The following LRTM3 variants were observed in gnomAD, a reference collection of about 807,000 sequenced individuals.
LRTM3 encodes the protein leucine rich repeat transmembrane protein 3.
chr13:102,741,814 T>C, the LRTM3 span: 1 of 1,550,388 alleles, frequency 6.4e-7, no homozygotes, highest in Non-Finnish European at 8.7e-7. Context: ...CAATGAGGAA[T>C]TCAAGTTCTT....
chr13:102,738,525 T>C, the LRTM3 span: 10 of 1,550,806 alleles, frequency 6.4e-6, no homozygotes, highest in Non-Finnish European at 8.7e-6. Flanking sequence ...CCCTGTGAAA[T>C]TGATGATTTC....
chr13:102,738,052 T>C, the LRTM3 span: 20 of 1,549,854 alleles, frequency 1.3e-5, no homozygotes, highest in Non-Finnish European at 1.7e-5. Context: ...TTCTGTCCTC[T>C]TTCCCTTGCT....
chr13:102,730,575 T>A, the LRTM3 span: 1 of 1,552,038 alleles, frequency 6.4e-7, no homozygotes, highest in Non-Finnish European at 8.7e-7. Flanking sequence ...TTCCTCGGGC[T>A]GTGCAGATCA....
chr13:102,738,128 G>T, the LRTM3 span: 3 of 1,550,832 alleles, frequency 1.9e-6, no homozygotes, highest in East Asian at 7.3e-5. Flanking sequence ...TGGCTCTTTA[G>T]TATTCAATGG....
the LRTM3 span, among the ~76,000 whole-genome samples, chr13:102,756,614 C>A: frequency 1.5e-5 from 2 of 130,336 alleles, no homozygotes; most frequent in Non-Finnish European, 1.5e-5. Flanking sequence ...GCGGAGGTTG[C>A]AGTGAGCTGA....
At chr13:102,741,922 A>G in the LRTM3 span, 1 of 1,550,446 alleles carries the variant, frequency 6.4e-7, no homozygotes, top group African/African-American at 1.4e-5. Context: ...TGTCTTCTGA[A>G]ATGCTTTGGT....
the LRTM3 span, chr13:102,747,410 G>T: frequency 1.3e-6 from 2 of 1,548,688 alleles, no homozygotes; most frequent in Non-Finnish European, 1.7e-6. Flanking sequence ...TGAGATTGCT[G>T]GCTTCTTTAC....
chr13:102,730,048 T>C, the LRTM3 span: 1 of 1,551,540 alleles, frequency 6.4e-7, no homozygotes, highest in Non-Finnish European at 8.7e-7. Context: ...CAGTATTTGA[T>C]GAACTATGAC....
At chr13:102,757,166 T>A in the LRTM3 span, among the ~76,000 whole-genome samples, 1 of 152,232 alleles carries the variant, frequency 6.6e-6, no homozygotes, top group African/African-American at 2.4e-5. Context: ...CTGGCATTCC[T>A]GTTTCCAACT....
At chr13:102,744,236 G>A in the LRTM3 span, 3 of 1,550,136 alleles carry the variant, frequency 1.9e-6, no homozygotes, top group African/African-American at 4.1e-5. Context: ...TACACATTTG[G>A]GACTCATACT....
At chr13:102,729,530 C>T in the LRTM3 span, 1 of 1,497,112 alleles carries the variant, frequency 6.7e-7, no homozygotes, top group South Asian at 1.4e-5. Context: ...ATTCCAAGAA[C>T]TTGAAATCTT....
At chr13:102,736,183 T>C in the LRTM3 span, 1 of 1,547,946 alleles carries the variant, frequency 6.5e-7, no homozygotes, top group Non-Finnish European at 8.7e-7. Context: ...AAGGAGAGAA[T>C]CTATGGTGAG....
the LRTM3 span, chr13:102,734,359 A>C: frequency 6.4e-7 from 1 of 1,551,386 alleles, no homozygotes; most frequent in South Asian, 1.2e-5. Context: ...CTTCATCTGC[A>C]TGCGTAGCTC....
At chr13:102,748,085 A>G in the LRTM3 span, 1 of 1,551,014 alleles carries the variant, frequency 6.4e-7, no homozygotes, top group Non-Finnish European at 8.7e-7. Flanking sequence ...ACTGAGCCTT[A>G]TTATTCTTAA....
At chr13:102,748,500 C>T in the LRTM3 span, 22 of 1,550,894 alleles carry the variant, frequency 1.4e-5, no homozygotes, top group Admixed American at 2.9e-4. Context: ...GGTAACTCCT[C>T]TCCATTTGAA....
the LRTM3 span, chr13:102,742,892 G>T: frequency 6.4e-7 from 1 of 1,550,768 alleles, no homozygotes; most frequent in Non-Finnish European, 8.7e-7. Flanking sequence ...GGCATCATCT[G>T]TTGCCTCACT....
At chr13:102,731,170 T>G in the LRTM3 span, 83 of 1,551,376 alleles carry the variant, frequency 5.4e-5, no homozygotes, top group Non-Finnish European at 7.0e-5. Context: ...GCTTTGTGAT[T>G]GTCTCCTCAC....
At chr13:102,755,043 C>T in the LRTM3 span, among the ~76,000 whole-genome samples, 3 of 152,224 alleles carry the variant, frequency 2.0e-5, no homozygotes, top group East Asian at 5.8e-4. Flanking sequence ...TAAAACAAAC[C>T]ATACCCCAAA....
At chr13:102,737,529 C>G in the LRTM3 span, 2 of 1,550,736 alleles carry the variant, frequency 1.3e-6, no homozygotes, top group Non-Finnish European at 1.7e-6. Context: ...CCTTCTCCGT[C>G]CTCTTTCCCT....
Sources: gnomAD v4.1 joint callset for allele counts (sites outside exome capture counted in the v4.1 genomes callset) on GRCh38, gnomAD v4.1.1 for gene constraint, MANE v1.5 for transcripts, NCBI Gene and HGNC (gene_info 2026-07-23, HGNC 2026-07-21) for gene names.